The following NYAP2 variants were observed in gnomAD, a reference collection of about 807,000 sequenced individuals.
NYAP2 encodes neuronal tyrosine-phosphorylated phosphoinositide-3-kinase adapter 2.
A neutral mutation model predicts 50.4 loss-of-function variants in NYAP2; 23 were observed. The observed-to-expected ratio is 0.46, with a 90% CI of 0.33 to 0.65. The LOEUF is 0.65. Ranked by LOEUF, NYAP2 falls within the 30% of genes least tolerant of loss-of-function variation. NYAP2 has a pLI of 0.02. For synonymous variants in NYAP2, 394 were observed against 365.2 expected, an observed-to-expected ratio of 1.08 and a Z score of -0.90; for missense variants, 885 against 861.0, an observed-to-expected ratio of 1.03 and a Z score of -0.35.
chr2:225,592,566 A>AT (rs1028702450), intron 5 of NYAP2, among the ~76,000 whole-genome samples: 19 of 152,062 alleles, frequency 1.2e-4, no homozygotes, highest in South Asian at 6.2e-4. Context: ...AAGTGAAGGG[A>AT]TTTTTTTTCA....
At chr2:225,516,989 C>T (rs775492474) in intron 4 of NYAP2, among the ~76,000 whole-genome samples, 2 of 151,780 alleles carry the variant, frequency 1.3e-5, no homozygotes, top group Non-Finnish European at 2.9e-5. Flanking sequence ...TTATGACTTC[C>T]CTGTGGATAA....
chr2:225,583,052 T>C lies in NYAP2; in HGVS notation c.1618+17T>C. The stretch of plus-strand genomic sequence containing the variant: ...CTGCAGAGAGTAAGTGTGCAGGGCC[T>C]GCCTGAGCCCCAGAGCCCAGTGCCA... On this transcript the variant is annotated intron_variant, in intron 5 of 6. Coordinates refer to ENST00000636099, the Ensembl canonical transcript of NYAP2. 1 of 1,602,322 alleles carries C rather than the reference T, an allele frequency of 6.2e-7. No homozygotes were observed. The highest frequency in any genetic ancestry group is 1.7e-5 in the Admixed American group (1 of 59,422).
chr2:225,398,843 CA>C (rs1694812004), upstream of NYAP2, among the ~76,000 whole-genome samples: 1 of 151,938 alleles, frequency 6.6e-6, no homozygotes, highest in African/African-American at 2.4e-5. Flanking sequence ...GAATGCACTT[CA>C]GGACATGTAA....
At chr2:225,656,472 C>G (rs748865359), downstream of NYAP2, among the ~76,000 whole-genome samples, 2 of 152,160 alleles carry the variant, frequency 1.3e-5, no homozygotes, top group Non-Finnish European at 2.9e-5. Flanking sequence ...CTTTGCTTGA[C>G]GACCTTGCAG....
At chr2:225,518,618 TTATA>T (rs1263137157) in intron 4 of NYAP2, among the ~76,000 whole-genome samples, 3 of 133,702 alleles carry the variant, frequency 2.2e-5, no homozygotes, top group Non-Finnish European at 4.8e-5. Flanking sequence ...GCTTGTGAGC[TTATA>T]TATATATATA....
intron 4 of NYAP2, among the ~76,000 whole-genome samples, chr2:225,564,095 A>G (rs1173801789): frequency 6.6e-6 from 1 of 152,110 alleles, no homozygotes; most frequent in African/African-American, 2.4e-5. Context: ...TGAAGTTTTC[A>G]TAACTATTTA....
the NYAP2 span, among the ~76,000 whole-genome samples, chr2:225,674,637 C>T: frequency 3.9e-5 from 6 of 152,042 alleles, no homozygotes; most frequent in Admixed American, 1.3e-4. Context: ...CCCGACATGT[C>T]ATTAGTCTGT....
At chr2:225,641,165 A>G (rs535874636) in intron 6 of NYAP2, among the ~76,000 whole-genome samples, 1 of 152,192 alleles carries the variant, frequency 6.6e-6, no homozygotes, top group East Asian at 1.9e-4. Flanking sequence ...GTCCACCCTG[A>G]CATTGCTCCT....
At chr2:225,622,567 CTTTCTTTCTTTCTTCT>C (rs1693135524) in intron 5 of NYAP2, among the ~76,000 whole-genome samples, 1 of 60,712 alleles carries the variant, frequency 1.6e-5, no homozygotes, top group African/African-American at 5.4e-5. Context: ...CTTTTTCTTT[CTTTCTTTCTTTCTTCT>C]TTCTTTTTTT....
intron 4 of NYAP2, among the ~76,000 whole-genome samples, chr2:225,540,931 A>G (rs1219385404): frequency 6.6e-6 from 1 of 152,086 alleles, no homozygotes; most frequent in Non-Finnish European, 1.5e-5. Context: ...ATTTTTTTCC[A>G]TATCCACGCC....
At chr2:225,412,949 G>A (rs1033598133) in intron 3 of NYAP2, among the ~76,000 whole-genome samples, 1 of 152,102 alleles carries the variant, frequency 6.6e-6, no homozygotes, top group African/African-American at 2.4e-5. Context: ...ATGGGAGACA[G>A]TCATTTGCGG....
intron 5 of NYAP2, among the ~76,000 whole-genome samples, chr2:225,594,660 G>T (rs1692566430): frequency 6.6e-6 from 1 of 152,116 alleles, no homozygotes; most frequent in Admixed American, 6.5e-5. Flanking sequence ...GTGAAAAAAT[G>T]GATTTTAGTT....
intron 4 of NYAP2, among the ~76,000 whole-genome samples, chr2:225,534,062 G>T (rs888424073): frequency 2.6e-5 from 4 of 151,914 alleles, no homozygotes; most frequent in African/African-American, 9.7e-5. Context: ...AAATTAATTG[G>T]CACATTAAAA....
intron 3 of NYAP2, among the ~76,000 whole-genome samples, chr2:225,439,542 G>T (rs1274892530): frequency 6.6e-6 from 1 of 152,082 alleles, no homozygotes; most frequent in Non-Finnish European, 1.5e-5. Flanking sequence ...CAAATGTTTT[G>T]GAAATTAGGA....
intron 4 of NYAP2, among the ~76,000 whole-genome samples, chr2:225,518,381 G>T (rs1022098865): frequency 1.3e-5 from 2 of 150,542 alleles, no homozygotes; most frequent in Non-Finnish European, 3.0e-5. Context: ...TTGGTCAAAG[G>T]ATACAGAATT....
At chr2:225,651,587 A>G in exon 7 of NYAP2, 1 of 1,612,818 alleles carries the variant, frequency 6.2e-7, no homozygotes, top group Non-Finnish European at 8.5e-7. Context: ...ACAACTTGCC[A>G]AATGCTTCCC....
intron 3 of NYAP2, among the ~76,000 whole-genome samples, chr2:225,437,547 T>C (rs1689399568): frequency 6.6e-6 from 1 of 152,182 alleles, no homozygotes; most frequent in African/African-American, 2.4e-5. Context: ...TTCCTGCCAC[T>C]AATTGGAACA....
exon 4 of NYAP2, chr2:225,513,379 G>A (rs1371116859): frequency 9.9e-6 from 16 of 1,613,954 alleles, no homozygotes; most frequent in Non-Finnish European, 1.2e-5. Flanking sequence ...AGCATAGGTG[G>A]AGAAGTAGGG....
At chr2:225,461,496 T>A (rs1689831107) in intron 3 of NYAP2, among the ~76,000 whole-genome samples, 1 of 152,186 alleles carries the variant, frequency 6.6e-6, no homozygotes. Context: ...GAAGACTGAG[T>A]GAGTTTGAAA....
Sources: allele counts gnomAD v4.1 joint callset (sites outside exome capture counted in the v4.1 genomes callset), GRCh38; gene constraint gnomAD v4.1.1; transcripts MANE v1.5; gene names NCBI Gene and HGNC (gene_info 2026-07-23, HGNC 2026-07-21).